Variants in GPC5 observed in about 807,000 individuals in gnomAD.
GPC5 encodes the protein glypican 5.
In GPC5, 47 loss-of-function variants were observed where a neutral mutation model predicts 53.9. That is an observed-to-expected ratio of 0.87 (90% CI 0.69 to 1.11). The LOEUF (loss-of-function observed/expected upper bound fraction) is 1.11. Among genes scored for constraint, GPC5 ranks in the 50% most tolerant of loss-of-function variants. The pLI is 0.00. For missense variants in GPC5, 748 were observed against 713.1 expected, an observed-to-expected ratio of 1.05 and a Z score of -0.56; for synonymous variants, 286 against 263.3, an observed-to-expected ratio of 1.09 and a Z score of -0.84.
At chr13:92,058,745 G>C (rs9523492) in intron 6 of GPC5, among the ~76,000 whole-genome samples, 84,645 of 151,644 alleles carry the variant, frequency 0.56, 23,935 homozygotes, top group East Asian at 0.79. Flanking sequence ...GGTTTTGCCA[G>C]GTTGCCCAAG....
intron 5 of GPC5, among the ~76,000 whole-genome samples, chr13:91,850,351 T>C (rs372974363): frequency 9.2e-5 from 14 of 152,180 alleles, no homozygotes; most frequent in African/African-American, 2.4e-4. Context: ...GAGCCATTCC[T>C]GGTTGTCACA....
intron 7 of GPC5, among the ~76,000 whole-genome samples, chr13:92,362,937 G>A (rs2043579782): frequency 6.6e-6 from 1 of 151,610 alleles, no homozygotes; most frequent in Non-Finnish European, 1.5e-5. Flanking sequence ...GAGTTTTCAG[G>A]CTATTGCACA....
chr13:92,826,053 A>C (rs897101330), intron 7 of GPC5, among the ~76,000 whole-genome samples: 3 of 152,170 alleles, frequency 2.0e-5, no homozygotes, highest in Non-Finnish European at 4.4e-5. Context: ...TTTTTGTAGA[A>C]GACAGAATTC....
intron 7 of GPC5, among the ~76,000 whole-genome samples, chr13:92,764,781 G>T (rs780301149): frequency 4.6e-5 from 7 of 151,996 alleles, no homozygotes; most frequent in Non-Finnish European, 1.0e-4. Context: ...CTTTGGGGAG[G>T]GGATAGGTGC....
At chr13:91,957,928 CA>C (rs1195863180) in intron 6 of GPC5, among the ~76,000 whole-genome samples, 2 of 151,784 alleles carry the variant, frequency 1.3e-5, no homozygotes, top group African/African-American at 4.8e-5. Flanking sequence ...AGAAGATTAC[CA>C]AAGCACAATG....
intron 7 of GPC5, among the ~76,000 whole-genome samples, chr13:92,179,916 C>T (rs1297875026): frequency 1.3e-5 from 2 of 152,088 alleles, no homozygotes; most frequent in African/African-American, 4.8e-5. Context: ...AGATATCAGC[C>T]TAAATTTAAA....
intron 2 of GPC5, among the ~76,000 whole-genome samples, chr13:91,662,042 G>T (rs1461819018): frequency 6.6e-6 from 1 of 152,162 alleles, no homozygotes; most frequent in African/African-American, 2.4e-5. Flanking sequence ...ACAATTGGGA[G>T]TCATTGGCTC....
intron 2 of GPC5, among the ~76,000 whole-genome samples, chr13:91,630,411 C>A (rs1475905503): frequency 1.3e-5 from 2 of 152,126 alleles, no homozygotes; most frequent in South Asian, 2.1e-4. Flanking sequence ...ATTTTTCCCT[C>A]CCCATTCTAC....
intron 6 of GPC5, among the ~76,000 whole-genome samples, chr13:92,016,811 T>C (rs2040711758): frequency 6.6e-6 from 1 of 151,634 alleles, no homozygotes; most frequent in Admixed American, 6.6e-5. Flanking sequence ...CACTGCAACC[T>C]CCGCCTTCTG....
At chr13:91,977,304 G>T (rs2040312459) in intron 6 of GPC5, among the ~76,000 whole-genome samples, 1 of 152,132 alleles carries the variant, frequency 6.6e-6, no homozygotes, top group Non-Finnish European at 1.5e-5. Context: ...AAGGATACAT[G>T]AGTGAAAATC....
intron 7 of GPC5, among the ~76,000 whole-genome samples, chr13:92,464,168 A>G (rs1441760078): frequency 6.6e-6 from 1 of 152,192 alleles, no homozygotes; most frequent in Non-Finnish European, 1.5e-5. Flanking sequence ...AGAGACCAGG[A>G]CATTTCTATT....
intron 7 of GPC5, among the ~76,000 whole-genome samples, chr13:92,843,419 A>G (rs908838269): frequency 6.6e-6 from 1 of 152,202 alleles, no homozygotes; most frequent in Non-Finnish European, 1.5e-5. Context: ...GCCCAATGCC[A>G]GCAATAAGGT....
chr13:91,756,519 G>A, intron 5 of GPC5, 99 bp downstream of exon 5: 1 of 1,049,796 alleles, frequency 9.5e-7, no homozygotes, highest in Non-Finnish European at 1.3e-6. Flanking sequence ...TTGTCACACA[G>A]TTTACAGTCT....
intron 7 of GPC5, among the ~76,000 whole-genome samples, chr13:92,758,940 T>C (rs1033841908): frequency 7.2e-5 from 11 of 151,884 alleles, no homozygotes; most frequent in Non-Finnish European, 1.5e-5. Context: ...TTCATTGGTT[T>C]ATTTTCAGAT....
chr13:91,847,895 T>C (rs1325002790), intron 5 of GPC5, among the ~76,000 whole-genome samples: 5 of 152,194 alleles, frequency 3.3e-5, no homozygotes, highest in Admixed American at 3.3e-4. Context: ...TTATTTATGG[T>C]CTTATAGTAG....
intron 6 of GPC5, among the ~76,000 whole-genome samples, chr13:92,002,507 G>A (rs1261689311): frequency 6.6e-6 from 1 of 152,162 alleles, no homozygotes; most frequent in Non-Finnish European, 1.5e-5. Context: ...AAGCAAAGCA[G>A]ATGCCACCAA....
chr13:91,689,993 C>A (rs1460311914), intron 2 of GPC5, among the ~76,000 whole-genome samples: 1 of 152,104 alleles, frequency 6.6e-6, no homozygotes, highest in East Asian at 1.9e-4. Flanking sequence ...ATATGACTGG[C>A]AATCTGATAT....
intron 1 of GPC5, among the ~76,000 whole-genome samples, chr13:91,441,281 A>G (rs1346644067): frequency 1.3e-5 from 2 of 152,296 alleles, no homozygotes; most frequent in East Asian, 3.9e-4. Flanking sequence ...TTTTCACTTC[A>G]GGGCAGGGAA....
chr13:92,316,058 G>T (rs192053823), intron 7 of GPC5, among the ~76,000 whole-genome samples: 1 of 152,132 alleles, frequency 6.6e-6, no homozygotes, highest in Admixed American at 6.5e-5. Flanking sequence ...TCGATCAGAG[G>T]GTTTTTACTG....
Sources: allele counts gnomAD v4.1 joint callset (sites outside exome capture counted in the v4.1 genomes callset), GRCh38; gene constraint gnomAD v4.1.1; transcripts MANE v1.5; gene names NCBI Gene and HGNC (gene_info 2026-07-23, HGNC 2026-07-21).